Variants in FBXL17 observed in about 807,000 individuals in gnomAD.
FBXL17 encodes F-box and leucine rich repeat protein 17.
Under a neutral mutation model 66.2 loss-of-function variants are expected in FBXL17, and 22 were observed. The observed-to-expected ratio is 0.33, with a 90% CI of 0.24 to 0.47. The LOEUF (loss-of-function observed/expected upper bound fraction) is 0.47, where lower values mean the gene tolerates loss of function less well. FBXL17 is among the 20% of genes least tolerant of loss of function. The pLI is 1.00. For synonymous variants in FBXL17, 474 were observed against 400.5 expected, an observed-to-expected ratio of 1.18 and a Z score of -2.19; for missense variants, 878 against 948.2, an observed-to-expected ratio of 0.93 and a Z score of 0.97.
chr5:108,317,582 ACT>A (rs903353875), intron 4 of FBXL17, among the ~76,000 whole-genome samples: 4 of 151,410 alleles, frequency 2.6e-5, no homozygotes, highest in Non-Finnish European at 5.9e-5. Context: ...TGCTAAAAAT[ACT>A]CTGTTATGGT....
chr5:108,277,044 T>C (rs1291133092), intron 4 of FBXL17, among the ~76,000 whole-genome samples: 2 of 152,132 alleles, frequency 1.3e-5, no homozygotes. Context: ...TGTTTCCATT[T>C]AAACCAAAAA....
intron 7 of FBXL17, among the ~76,000 whole-genome samples, chr5:107,933,584 A>G (rs567013856): frequency 7.8e-4 from 119 of 152,296 alleles, no homozygotes; most frequent in African/African-American, 2.6e-3. Context: ...GTAAGTATAC[A>G]GACTTAAACA....
intron 6 of FBXL17, among the ~76,000 whole-genome samples, chr5:108,067,354 A>C (rs1748154852): frequency 6.6e-6 from 1 of 152,140 alleles, no homozygotes; most frequent in Non-Finnish European, 1.5e-5. Flanking sequence ...TAAGCATAGA[A>C]CCTCACAAAT....
intron 4 of FBXL17, among the ~76,000 whole-genome samples, chr5:108,286,377 T>C (rs1230666188): frequency 6.6e-6 from 1 of 152,032 alleles, no homozygotes; most frequent in Non-Finnish European, 1.5e-5. Flanking sequence ...TATATAATTC[T>C]ATATCTAGAA....
chr5:107,879,308 A>T (rs779085500), intron 8 of FBXL17: 6 of 985,422 alleles, frequency 6.1e-6, no homozygotes, highest in Non-Finnish European at 7.2e-6. Flanking sequence ...GAAGCTGAGG[A>T]GTTCTGCTGT....
At chr5:108,322,407 C>T (rs1420421046) in intron 4 of FBXL17, among the ~76,000 whole-genome samples, 3 of 151,606 alleles carry the variant, frequency 2.0e-5, no homozygotes, top group African/African-American at 4.8e-5. Context: ...CTGTTAAGTG[C>T]GGGGGAAAAA....
At chr5:108,159,071 A>T (rs1193716725) in intron 6 of FBXL17, among the ~76,000 whole-genome samples, 3 of 152,170 alleles carry the variant, frequency 2.0e-5, no homozygotes, top group Admixed American at 1.3e-4. Context: ...TTAGTAATGC[A>T]ATCTTTTAGA....
chr5:107,878,450 G>A, intron 8 of FBXL17: 1 of 602,286 alleles, frequency 1.7e-6, no homozygotes, highest in Non-Finnish European at 2.1e-6. Flanking sequence ...CTACAAGATA[G>A]GTACTAGTAT....
chr5:107,957,029 C>T (rs1751689563), intron 7 of FBXL17, among the ~76,000 whole-genome samples: 1 of 152,144 alleles, frequency 6.6e-6, no homozygotes, highest in Non-Finnish European at 1.5e-5. Context: ...TAATTTGCCA[C>T]CTTCAGTACT....
intron 4 of FBXL17, among the ~76,000 whole-genome samples, chr5:108,262,082 A>T (rs57084137): frequency 0.31 from 35,570 of 113,302 alleles, 5,185 homozygotes; most frequent in East Asian, 0.56. Flanking sequence ...TTATTTATTT[A>T]TTTATTTTTT....
chr5:107,876,174 G>A (rs1356563081), intron 8 of FBXL17, among the ~76,000 whole-genome samples: 1 of 151,980 alleles, frequency 6.6e-6, no homozygotes, highest in African/African-American at 2.4e-5. Flanking sequence ...AGAGGCGTGG[G>A]GTTAGGTAAA....
chr5:108,065,597 G>C (rs1023569506), intron 6 of FBXL17, among the ~76,000 whole-genome samples: 3 of 152,080 alleles, frequency 2.0e-5, no homozygotes, highest in Non-Finnish European at 2.9e-5. Flanking sequence ...TTATTCTCAA[G>C]GCTAATAATT....
In FBXL17 at chr5:108,186,398, T is replaced by C. The variant is rs1753233801; in HGVS notation, c.1615-151A>G. The C allele has an allele frequency of 6.7e-6, 4 of 596,358 alleles. No individual in the cohort carries two copies. The South Asian group carries it at 1.0e-4, about 15-fold the overall frequency. 36.9% of individuals were successfully genotyped at this position (596,358 alleles called of 1,614,324 possible). A position where few individuals can be genotyped will look rare whatever the true frequency, so the allele number is the denominator to read the frequency against. ...CTTTTAATTAAAGATATTGTATATGTAATATTTTATACACTAAATTAAGCA... is the reference window on the plus strand; with the variant it reads ...CTTTTAATTAAAGATATTGTATATGCAATATTTTATACACTAAATTAAGCA... On this transcript the variant is annotated intron_variant, in intron 5 of 8. Transcript: ENST00000542267.
chr5:107,881,558 T>A (rs1748791548), intron 7 of FBXL17, among the ~76,000 whole-genome samples: 1 of 152,214 alleles, frequency 6.6e-6, no homozygotes, highest in Non-Finnish European at 1.5e-5. Context: ...AATTTTTTTT[T>A]AAAGAAGAAC....
At chr5:108,232,805 A>ATATATATAT (rs70996987) in intron 4 of FBXL17, among the ~76,000 whole-genome samples, 13 of 105,116 alleles carry the variant, frequency 1.2e-4, no homozygotes, top group Admixed American at 3.8e-4. Flanking sequence ...ATATATATAT[A>ATATATATAT]ATATATACTA....
At chr5:107,868,897 A>G (rs555711984) in intron 8 of FBXL17, among the ~76,000 whole-genome samples, 3 of 137,552 alleles carry the variant, frequency 2.2e-5, no homozygotes, top group Non-Finnish European at 4.5e-5. Context: ...AGCTAGAATA[A>G]AACAACTCAT....
intron 7 of FBXL17, among the ~76,000 whole-genome samples, chr5:107,997,362 T>C (rs1462272055): frequency 6.6e-6 from 1 of 152,188 alleles, no homozygotes; most frequent in Non-Finnish European, 1.5e-5. Context: ...TGAACTCTAA[T>C]ATTCTAGTGA....
intron 4 of FBXL17, among the ~76,000 whole-genome samples, chr5:108,344,765 T>A (rs903058236): frequency 6.6e-6 from 1 of 152,222 alleles, no homozygotes; most frequent in Non-Finnish European, 1.5e-5. Flanking sequence ...TATACTTAAC[T>A]GAGGTTTCTA....
At chr5:108,067,929 C>A (rs1201922334) in intron 6 of FBXL17, among the ~76,000 whole-genome samples, 1 of 152,192 alleles carries the variant, frequency 6.6e-6, no homozygotes, top group African/African-American at 2.4e-5. Flanking sequence ...TATCATCTAA[C>A]AAATCGTGTG....
Sources: allele counts gnomAD v4.1 joint callset (sites outside exome capture counted in the v4.1 genomes callset), GRCh38; gene constraint gnomAD v4.1.1; transcripts MANE v1.5; gene names NCBI Gene and HGNC (gene_info 2026-07-23, HGNC 2026-07-21).